Variants in SERTAD4 observed in about 807,000 individuals in gnomAD.
The protein encoded by SERTAD4 is SERTA domain-containing protein 4.
A neutral mutation model predicts 32.9 loss-of-function variants in SERTAD4; 18 were observed. That is an observed-to-expected ratio of 0.55 (90% CI 0.38 to 0.81). The LOEUF is 0.81. SERTAD4 is among the 30% of genes least tolerant of loss of function. SERTAD4 has a pLI of 0.00. For missense variants in SERTAD4, 383 were observed against 426.0 expected (o/e 0.90, Z 0.89); for synonymous variants, 150 against 156.4 (o/e 0.96, Z 0.30).
chr1:210,242,400 T>G lies in SERTAD4; in HGVS notation c.*63T>G. 4.0e-6 allele frequency: 6 copies of G among 1,513,044 alleles called. 1 individual carries two copies. The highest frequency in any genetic ancestry group is 3.5e-6 in the Non-Finnish European group (4 of 1,135,170). 93.7% of individuals were successfully genotyped at this position (1,513,044 alleles called of 1,614,324 possible). ...GATCAGTTAGCTCTCGTAAATTTTA[T>G]TTTGAATGGATTTTGTAGTTTTGTA... On this transcript the variant is annotated 3_prime_UTR_variant, in exon 4 of 4. Coordinates refer to ENST00000367012, the MANE Select transcript of SERTAD4 (RefSeq NM_019605.5). The surrounding 1 kb of genome is among the most constrained non-coding windows in gnomAD (Gnocchi z 4.0).
Position 210,242,452 on chromosome 1 carries a change from T to G in SERTAD4, c.*115T>G, listed in dbSNP as rs2084008613. 6.9e-7 allele frequency: 1 copy of G among 1,455,374 alleles called. No individual in the cohort carries two copies. The highest frequency in any genetic ancestry group is 2.9e-5 in the Admixed American group (1 of 34,774). 90.2% of individuals were successfully genotyped at this position (1,455,374 alleles called of 1,614,324 possible). A position where few individuals can be genotyped will look rare whatever the true frequency, so the allele number is the denominator to read the frequency against. On this transcript the variant is annotated 3_prime_UTR_variant, in exon 4 of 4. Transcript: ENST00000367012. This position sits in a 1 kb window ranked among gnomAD's most constrained non-coding sequence, Gnocchi z 4.0. ...AACAGATAAAATTATGCCATGAACA[T>G]GCCATGTCGTTTTAATGCCTGGAGA...
intron 1 of SERTAD4, among the ~76,000 whole-genome samples, chr1:210,236,987 G>C (rs1051808339): frequency 6.6e-5 from 10 of 152,182 alleles, no homozygotes; most frequent in African/African-American, 2.4e-4. Context: ...GCTATCGAGG[G>C]GCCCAGGAAG....
rs182490939 is a variant in SERTAD4, at chr1:210,244,428, T to C, written c.*2091T>C. On this transcript the variant is annotated 3_prime_UTR_variant, in exon 4 of 4. Transcript: ENST00000367012. ...ACACGAAGCCATAAATACTGAATCT[T>C]AGCTGATTGCATTATGAACTGTCAA... The C allele has an allele frequency of 1.1e-4, 16 of 152,354 alleles. No individual in the cohort carries two copies. Among genetic ancestry groups the C allele is most frequent in the Non-Finnish European group, 2.1e-4 (14 of 68,030 alleles). 9.4% of individuals were successfully genotyped at this position (152,354 alleles called of 1,614,324 possible).
intron 1 of SERTAD4, among the ~76,000 whole-genome samples, chr1:210,236,960 G>A (rs1264791668): frequency 6.6e-6 from 1 of 152,208 alleles, no homozygotes; most frequent in African/African-American, 2.4e-5. Context: ...CCCCATGAAA[G>A]CGGCCTCACT....
At chr1:210,238,301 CAGAG>C (rs1324435745) in intron 2 of SERTAD4, among the ~76,000 whole-genome samples, 166 bp downstream of exon 2, 8 of 152,216 alleles carry the variant, frequency 5.3e-5, no homozygotes, top group African/African-American at 1.9e-4. Context: ...TCCAGAGCTC[CAGAG>C]AGAGGACCAG....
At chr1:210,238,646 G>C (rs74156113) in intron 2 of SERTAD4, among the ~76,000 whole-genome samples, 3,578 of 152,188 alleles carry the variant, frequency 0.024, 167 homozygotes, top group African/African-American at 0.081. Context: ...ACTGCTCAAG[G>C]TCATCACCAA....
intron 3 of SERTAD4, 21 bp from the exon 4 acceptor site, chr1:210,241,534 CTTT>C (rs77835150): frequency 3.3e-4 from 366 of 1,104,176 alleles, no homozygotes; most frequent in South Asian, 8.9e-4. Flanking sequence ...TTGTTTTTTT[CTTT>C]TTTTTTTTTT....
chr1:210,242,417 A>G lies in SERTAD4; in HGVS notation c.*80A>G. The G allele has an allele frequency of 6.7e-7, 1 of 1,502,900 alleles. No homozygotes were observed. The allele number at this position is 1,502,900 out of a possible 1,614,324, so 93.1% of individuals were successfully genotyped here. On this transcript the variant is annotated 3_prime_UTR_variant, in exon 4 of 4. Coordinates refer to ENST00000367012, the MANE Select transcript of SERTAD4 (RefSeq NM_019605.5). This position sits in a 1 kb window ranked among gnomAD's most constrained non-coding sequence, Gnocchi z 4.0. ...AAATTTTATTTTGAATGGATTTTGT[A>G]GTTTTGTACAACAGATAAAATTATG...
intron 1 of SERTAD4, among the ~76,000 whole-genome samples, chr1:210,234,787 C>G (rs996504994): frequency 6.6e-6 from 1 of 152,202 alleles, no homozygotes; most frequent in African/African-American, 2.4e-5. Flanking sequence ...ATTCAAGGTG[C>G]CGCTGAATTC....
In SERTAD4 at chr1:210,243,183, A is replaced by G; in HGVS notation, c.*846A>G. On this transcript the variant is annotated 3_prime_UTR_variant, in exon 4 of 4. Coordinates refer to ENST00000367012, the MANE Select transcript of SERTAD4 (RefSeq NM_019605.5). ...ACTATTGTGTTCAGCTTTTGATTCG[A>G]CATCTCTATTCTTTATTTTTGATGC... The G allele has an allele frequency of 8.4e-6, 8 of 949,134 alleles. No homozygotes were observed. The highest frequency in any genetic ancestry group is 1.0e-5 in the Non-Finnish European group (8 of 798,558). 58.8% of individuals were successfully genotyped at this position (949,134 alleles called of 1,614,324 possible).
At chr1:210,234,071 T>C in intron 1 of SERTAD4, 1 of 294,940 alleles carries the variant, frequency 3.4e-6, no homozygotes, top group Non-Finnish European at 6.6e-6. Context: ...TGCGGCACCG[T>C]AGAAAGACAA....
intron 1 of SERTAD4, 128 bp from the exon 2 acceptor site, chr1:210,237,816 G>T (rs2083955404): frequency 1.5e-6 from 1 of 659,316 alleles, no homozygotes; most frequent in Admixed American, 3.0e-5. Flanking sequence ...AATGTTTCAG[G>T]GTAAAGGGGA....
rs747812740 is a variant in SERTAD4 at position 210,241,623 on chromosome 1, C to T, written c.357C>T (p.Ile119=). 1.2e-5 allele frequency: 19 copies of T among 1,608,184 alleles called. No homozygotes were observed. In the East Asian group the frequency reaches 3.1e-4, roughly 27 times the overall value. Residue 119 remains isoleucine, a synonymous_variant, in exon 4 of 4, where the codon ATC becomes ATT. Transcript: ENST00000367012. ...TGTCCTTAGAAAAGCTAAAGTTTATCGATGATCCTGAAGTGTACCTCCGAA... is the reference window on the plus strand; with the variant it reads ...TGTCCTTAGAAAAGCTAAAGTTTATTGATGATCCTGAAGTGTACCTCCGAA... ...LYMSLEKLKF[I]DDPEVYLRRS...
intron 1 of SERTAD4, among the ~76,000 whole-genome samples, chr1:210,235,442 C>G (rs1223089325): frequency 6.6e-6 from 1 of 152,200 alleles, no homozygotes; most frequent in Non-Finnish European, 1.5e-5. Flanking sequence ...ATAATCCCAA[C>G]TCATTCATGT....
Position 210,245,812 on chromosome 1 carries a change from G to A in SERTAD4, c.*3475G>A. On this transcript the variant is annotated 3_prime_UTR_variant, in exon 4 of 4. Transcript: ENST00000367012. ...TTCTGTGTATCAGGAGCAGAGCAGAGGACAACTTGTAGAAGACATGACCAT... is the reference window on the plus strand; with the variant it reads ...TTCTGTGTATCAGGAGCAGAGCAGAAGACAACTTGTAGAAGACATGACCAT... 1.0e-6 allele frequency: 1 copy of A among 985,320 alleles called. No individual in the cohort carries two copies. Among genetic ancestry groups the A allele is most frequent in the Non-Finnish European group, 1.2e-6 (1 of 829,912 alleles). The allele number at this position is 985,320 out of a possible 1,614,324, so 61.0% of individuals were successfully genotyped here. A position where few individuals can be genotyped will look rare whatever the true frequency, so the allele number is the denominator to read the frequency against.
intron 1 of SERTAD4, among the ~76,000 whole-genome samples, chr1:210,233,435 G>C (rs916482272): frequency 6.6e-6 from 1 of 152,202 alleles, no homozygotes; most frequent in Non-Finnish European, 1.5e-5. Flanking sequence ...AGTAGGAGGG[G>C]TGCCCCCAGG....
chr1:210,238,050 G>A lies in SERTAD4; in HGVS notation c.90G>A (p.Glu30=). 6.2e-7 allele frequency: 1 copy of A among 1,614,018 alleles called. No homozygotes were observed. Among genetic ancestry groups the A allele is most frequent in the Non-Finnish European group, 8.5e-7 (1 of 1,179,956 alleles). ...AEIAGYQTLW[E]ADSYGGPSPP... is the part of the protein sequence containing the mutation. Reference sequence around the variant, plus strand: ...TTGCTGGGTACCAAACACTATGGGAGGCTGACAGCTACGGAGGCCCAAGCC... The same window carrying A: ...TTGCTGGGTACCAAACACTATGGGAAGCTGACAGCTACGGAGGCCCAAGCC... The change falls in exon 2 of 4, where the codon GAG becomes GAA. Residue 30 remains glutamate (E), a synonymous_variant. Coordinates refer to ENST00000367012, the MANE Select transcript of SERTAD4 (RefSeq NM_019605.5).
At chr1:210,241,235 C>A (rs1466309852) in intron 3 of SERTAD4, among the ~76,000 whole-genome samples, 1 of 152,184 alleles carries the variant, frequency 6.6e-6, no homozygotes, top group Non-Finnish European at 1.5e-5. Flanking sequence ...GTTTCAGCAT[C>A]TTCCTTATTG....
At chr1:210,234,187 C>T (rs1052299747) in intron 1 of SERTAD4, 1 of 225,922 alleles carries the variant, frequency 4.4e-6, no homozygotes, top group Non-Finnish European at 8.7e-6. Context: ...GCTGCGGCAC[C>T]GACACCCCGG....
Sources: allele counts gnomAD v4.1 joint callset (sites outside exome capture counted in the v4.1 genomes callset), GRCh38; gene constraint gnomAD v4.1.1; non-coding constraint Gnocchi (gnomAD v3.1); transcripts MANE v1.5; gene names NCBI Gene and HGNC (gene_info 2026-07-23, HGNC 2026-07-21).